MAST4: variants seen among roughly 807,000 people sequenced by gnomAD.
MAST4 encodes the protein microtubule associated serine/threonine kinase family member 4.
MAST4 carries 89 observed loss-of-function variants against 162.7 expected under a neutral mutation model. That is an observed-to-expected ratio of 0.55 (90% CI 0.46 to 0.65). The LOEUF is 0.65. Among genes scored for constraint, MAST4 ranks in the 30% least tolerant of loss-of-function variants. The pLI, the probability that MAST4 is intolerant of heterozygous loss-of-function variation, is 0.00. For synonymous variants in MAST4, 1,479 were observed against 1,361.1 expected (o/e 1.09, Z -1.91); for missense variants, 3,153 against 3,374.0 (o/e 0.93, Z 1.62).
At chr5:66,945,483 C>G (rs1297402318) in intron 4 of MAST4, among the ~76,000 whole-genome samples, 1 of 152,160 alleles carries the variant, frequency 6.6e-6, no homozygotes, top group Admixed American at 6.5e-5. Context: ...TCCAGAACGT[C>G]TTGGGGCCTA....
chr5:66,936,159 G>A (rs563135942), intron 4 of MAST4, among the ~76,000 whole-genome samples: 2 of 152,280 alleles, frequency 1.3e-5, no homozygotes, highest in East Asian at 3.9e-4. Context: ...GTTTCAAAAC[G>A]AGAAAGTGTG....
chr5:66,681,397 G>A (rs1413665844), intron 1 of MAST4, among the ~76,000 whole-genome samples: 1 of 152,194 alleles, frequency 6.6e-6, no homozygotes, highest in Non-Finnish European at 1.5e-5. Context: ...TTGGGCCAGT[G>A]TCGTCCAGGC....
intron 1 of MAST4, among the ~76,000 whole-genome samples, chr5:66,723,689 A>G (rs2149542824): frequency 6.6e-6 from 1 of 152,258 alleles, no homozygotes; most frequent in South Asian, 2.1e-4. Context: ...TGGAGGTGCT[A>G]CTTGTGTGCT....
intron 1 of MAST4, among the ~76,000 whole-genome samples, chr5:66,602,714 C>T (rs142552118): frequency 1.6e-4 from 25 of 152,130 alleles, no homozygotes; most frequent in African/African-American, 6.0e-4. Context: ...TGAAAACCAC[C>T]CTGCGTGTTT....
intron 4 of MAST4, among the ~76,000 whole-genome samples, chr5:66,925,934 C>T (rs1052664843): frequency 6.6e-6 from 1 of 151,880 alleles, no homozygotes; most frequent in African/African-American, 2.4e-5. Flanking sequence ...GAGCTTTCAG[C>T]CTAGTACAAT....
intron 5 of MAST4, among the ~76,000 whole-genome samples, chr5:67,067,668 G>GGA (rs1240650886): frequency 6.6e-6 from 1 of 152,078 alleles, no homozygotes; most frequent in East Asian, 1.9e-4. Flanking sequence ...ACCAACCTTT[G>GGA]GAGGTCCCTT....
chr5:67,089,121 C>T (rs984113784), intron 5 of MAST4, among the ~76,000 whole-genome samples: 1 of 152,220 alleles, frequency 6.6e-6, no homozygotes, highest in Non-Finnish European at 1.5e-5. Flanking sequence ...TTAAACATAG[C>T]TTCCTGATTT....
At chr5:66,947,336 G>A (rs1259955849) in intron 4 of MAST4, among the ~76,000 whole-genome samples, 1 of 152,152 alleles carries the variant, frequency 6.6e-6, no homozygotes, top group East Asian at 1.9e-4. Flanking sequence ...AATATGGTTT[G>A]TTTTCTTTTC....
chr5:66,830,300 A>T (rs980036661), intron 3 of MAST4, among the ~76,000 whole-genome samples: 31 of 152,286 alleles, frequency 2.0e-4, no homozygotes, highest in East Asian at 3.9e-4. Context: ...TATGTCTGTT[A>T]TCACAACTTC....
chr5:66,937,887 C>A (rs1431610907), intron 4 of MAST4, among the ~76,000 whole-genome samples: 1 of 151,840 alleles, frequency 6.6e-6, no homozygotes, highest in Admixed American at 6.6e-5. Flanking sequence ...TTGTAGTTAA[C>A]CCATATTTTT....
intron 19 of MAST4, among the ~76,000 whole-genome samples, chr5:67,141,779 T>A (rs1770436319): frequency 6.6e-6 from 1 of 152,240 alleles, no homozygotes; most frequent in African/African-American, 2.4e-5. Context: ...TGAGTGAGTC[T>A]GCTGTGGGCC....
Position 67,164,214 on chromosome 5 carries a change from T to C in MAST4, c.5035T>C (p.Leu1679=). 6.2e-7 allele frequency: 1 copy of C among 1,613,666 alleles called. No homozygotes were observed. The highest frequency in any genetic ancestry group is 8.5e-7 in the Non-Finnish European group (1 of 1,179,764). The change falls in exon 29 of 29, where the codon TTA becomes CTA. Residue 1679 remains leucine, a synonymous_variant. Transcript: ENST00000403625. The surrounding 1 kb of genome is among the most constrained non-coding windows in gnomAD (Gnocchi z 5.3). ...CAAGGAGCTTCTCCGATGTGAAAAGTTAGACAGCAAGCTGGCCAACATCGA... is the reference window on the plus strand; with the variant it reads ...CAAGGAGCTTCTCCGATGTGAAAAGCTAGACAGCAAGCTGGCCAACATCGA... ...QAKELLRCEK[L]DSKLANIDYL...
At chr5:66,658,444 A>G (rs916479843) in intron 1 of MAST4, among the ~76,000 whole-genome samples, 2 of 152,204 alleles carry the variant, frequency 1.3e-5, no homozygotes, top group African/African-American at 4.8e-5. Context: ...CTTTCCTTTT[A>G]AATCAATATC....
At position 67,104,571 on chromosome 5, in the gene MAST4, A is replaced by G; in HGVS notation, c.1352A>G (p.Gln451Arg). ...ELQHKLDKLL[Q>R]EAHDRSESGE... ...CAGCACAAATTAGATAAGTTGCTAC[A>G]GGAGGTAAGAACCATGTACCATATA... The change falls in exon 10 of 29, where the codon CAG becomes CGG. Residue 451 changes from glutamine (Q) to arginine (R), a missense_variant. Coordinates refer to ENST00000403625, the MANE Select transcript of MAST4 (RefSeq NM_001164664.2). 1 of 1,612,100 alleles carries G rather than the reference A, an allele frequency of 6.2e-7. No homozygotes were observed. Among genetic ancestry groups the G allele is most frequent in the South Asian group, 1.1e-5 (1 of 90,834 alleles).
At chr5:66,942,687 TC>T (rs1743497520) in intron 4 of MAST4, among the ~76,000 whole-genome samples, 1 of 152,128 alleles carries the variant, frequency 6.6e-6, no homozygotes, top group African/African-American at 2.4e-5. Flanking sequence ...ATTGATCTCT[TC>T]CTGTCATGAT....
chr5:67,011,156 G>T (rs1360626147), intron 4 of MAST4, among the ~76,000 whole-genome samples: 1 of 152,008 alleles, frequency 6.6e-6, no homozygotes, highest in Non-Finnish European at 1.5e-5. Flanking sequence ...TTCTCTTACT[G>T]TAAAGCCCTG....
At position 67,086,409 on chromosome 5, in the gene MAST4, C is replaced by T. The variant is rs536617675; in HGVS notation, c.764-3753C>T. ...ATTAATCTGGAAATCACTTTCTTAA[C>T]AATAGCTGCTGCTAAAATGAGGCAC... On this transcript the variant is annotated intron_variant, in intron 5 of 28. Transcript: ENST00000403625. 8.0e-3 allele frequency among the ~76,000 whole-genome samples: 1,211 copies of T among 152,274 alleles called. 17 individuals are homozygous for T. The highest frequency in any genetic ancestry group is 0.028 in the African/African-American group (1,148 of 41,562).
At chr5:66,665,009 A>G (rs1008838115) in intron 1 of MAST4, among the ~76,000 whole-genome samples, 2 of 152,228 alleles carry the variant, frequency 1.3e-5, no homozygotes, top group African/African-American at 2.4e-5. Context: ...AAGGTCTAAC[A>G]TACATGTCAG....
intron 3 of MAST4, among the ~76,000 whole-genome samples, chr5:66,875,470 C>T (rs1420636005): frequency 6.6e-6 from 1 of 152,160 alleles, no homozygotes; most frequent in Admixed American, 6.5e-5. Flanking sequence ...CTTAATCACC[C>T]TGAGAAAACC....
Sources: gnomAD v4.1 joint callset for allele counts (sites outside exome capture counted in the v4.1 genomes callset) on GRCh38, gnomAD v4.1.1 for gene constraint, Gnocchi (gnomAD v3.1) non-coding constraint, MANE v1.5 for transcripts, NCBI Gene and HGNC (gene_info 2026-07-23, HGNC 2026-07-21) for gene names.